CMTM6: variants seen among roughly 807,000 people sequenced by gnomAD.
CMTM6 encodes the protein CKLF like MARVEL transmembrane domain containing 6.
Under a neutral mutation model 13.6 loss-of-function variants are expected in CMTM6, and 5 were observed. The observed-to-expected ratio is 0.37, with a 90% CI of 0.19 to 0.77. CMTM6 has a LOEUF of 0.77. Among genes scored for constraint, CMTM6 ranks in the 30% least tolerant of loss-of-function variants. The probability of loss-of-function intolerance (pLI) is 0.50; values close to 1 mark genes in which losing one functional copy is unlikely to be tolerated. For synonymous variants in CMTM6, 99 were observed against 84.5 expected (o/e 1.17, Z -0.94); for missense variants, 196 against 218.6 (o/e 0.90, Z 0.65).
chr3:32,486,308 A>T (rs1697204291), intron 3 of CMTM6, among the ~76,000 whole-genome samples: 1 of 152,236 alleles, frequency 6.6e-6, no homozygotes. Flanking sequence ...CATGATCCTT[A>T]ATTTACAATT....
chr3:32,484,263 G>A (rs11922465), intron 3 of CMTM6, among the ~76,000 whole-genome samples, 166 bp from the exon 4 acceptor site: 207 of 152,184 alleles, frequency 1.4e-3, no homozygotes, highest in African/African-American at 4.7e-3. Context: ...ATCAAAAAAT[G>A]GAAAGAAGTT....
At chr3:32,490,728 A>G (rs553545209) in intron 2 of CMTM6, among the ~76,000 whole-genome samples, 25 of 152,350 alleles carry the variant, frequency 1.6e-4, no homozygotes, top group Admixed American at 4.6e-4. Flanking sequence ...CAGATGCAGC[A>G]TTAAAATAAA....
chr3:32,500,893 C>T (rs978277158), intron 1 of CMTM6, among the ~76,000 whole-genome samples: 1 of 152,072 alleles, frequency 6.6e-6, no homozygotes, highest in African/African-American at 2.4e-5. Flanking sequence ...TTTTTTCGAG[C>T]AGCAAGAATG....
At chr3:32,495,786 C>T (rs554394896) in intron 1 of CMTM6, among the ~76,000 whole-genome samples, 1 of 152,304 alleles carries the variant, frequency 6.6e-6, no homozygotes, top group Non-Finnish European at 1.5e-5. Context: ...CTATTCCAAA[C>T]GTATTAACAG....
intron 2 of CMTM6, among the ~76,000 whole-genome samples, chr3:32,491,434 A>T (rs1697248986): frequency 6.6e-6 from 1 of 152,198 alleles, no homozygotes; most frequent in Non-Finnish European, 1.5e-5. Context: ...GAAGTGACAA[A>T]ATCCTAGGCT....
At chr3:32,491,990 G>A (rs1412896462) in intron 1 of CMTM6, 104 bp from the exon 2 acceptor site, 2 of 961,102 alleles carry the variant, frequency 2.1e-6, no homozygotes, top group African/African-American at 3.3e-5. Context: ...TTTACAATGA[G>A]GAGACTATGG....
chr3:32,487,855 C>T (rs1399721259), intron 3 of CMTM6, 83 bp downstream of exon 3: 1 of 877,188 alleles, frequency 1.1e-6, no homozygotes, highest in East Asian at 2.6e-5. Context: ...CTCTAACATG[C>T]TGTATAACTT....
chr3:32,495,011 C>CTT (rs112734442), intron 1 of CMTM6, among the ~76,000 whole-genome samples: 12 of 144,308 alleles, frequency 8.3e-5, no homozygotes, highest in African/African-American at 1.5e-4. Flanking sequence ...CCTCCCTGTA[C>CTT]TTTTTTTTTT....
rs1273373987 is a variant in CMTM6 at position 32,483,050 on chromosome 3, T to C, written c.*910A>G. The C allele has an allele frequency of 2.0e-5, 3 of 152,622 alleles. No homozygotes were observed. The highest frequency in any genetic ancestry group is 4.4e-5 in the Non-Finnish European group (3 of 68,022). The allele number at this position is 152,622 out of a possible 1,614,324, so 9.5% of individuals were successfully genotyped here. A position where few individuals can be genotyped will look rare whatever the true frequency, so the allele number is the denominator to read the frequency against. On this transcript the variant is annotated 3_prime_UTR_variant, in exon 4 of 4. Transcript: ENST00000205636. ...GCTGTATTAATTTTAGTAAAAATAATCATATGCCAACAGGGGAATTGAACC... is the reference window on the plus strand; with the variant it reads ...GCTGTATTAATTTTAGTAAAAATAACCATATGCCAACAGGGGAATTGAACC...
rs1290377178 is a variant in CMTM6, at chr3:32,492,590, C to T, written c.139-704G>A. ...ACCAGAGGTAAGGCAAACCTTGGGG[C>T]GGACATCCAACTGGGAAGCTGATGT... is the stretch of plus-strand genomic sequence containing the variant. On this transcript the variant is annotated intron_variant, in intron 1 of 3. Transcript: ENST00000205636. 2.6e-5 allele frequency among the ~76,000 whole-genome samples: 4 copies of T among 152,148 alleles called. No homozygotes were observed. In the South Asian group the frequency reaches 6.2e-4, roughly 24 times the overall value.
Position 32,487,942 on chromosome 3 carries a change from G to T in CMTM6, c.410C>A (p.Ala137Glu). 2 of 1,607,206 alleles carry T rather than the reference G, an allele frequency of 1.2e-6. No homozygotes were observed. The highest frequency in any genetic ancestry group is 8.5e-7 in the Non-Finnish European group (1 of 1,174,414). The change falls in exon 3 of 4, where the codon GCA becomes GAA. Residue 137 changes from alanine to glutamate, a missense_variant. Physicochemically the swap from Ala to Glu is moderately radical, Grantham distance 107. This residue lies in a region of CMTM6 where 111 missense variants were observed against 160.0 expected (regional missense o/e 0.69). Coordinates refer to ENST00000205636, the MANE Select transcript of CMTM6 (RefSeq NM_017801.3). ...THDRTSAEIAAIVFGFIASFM... is the reference protein window; with the variant it reads ...THDRTSAEIAEIVFGFIASFM... ...TTAAAAATACAAGGTACTTACAATT[G>T]CAGCAATCTCAGCTGAAGTCCTGTC... is the stretch of plus-strand genomic sequence containing the variant.
intron 3 of CMTM6, among the ~76,000 whole-genome samples, chr3:32,484,845 T>A (rs1335807498): frequency 6.6e-6 from 1 of 152,076 alleles, no homozygotes; most frequent in East Asian, 1.9e-4. Flanking sequence ...AAACTCCCTA[T>A]CTCCACGATT....
rs1697219982 is a variant in CMTM6 at position 32,487,997 on chromosome 3, A to G, written c.355T>C (p.Leu119=). ...GTGGAAACAAAAATGATGGATGCCA[A>G]CAAAAACACACATCCTGTTCCCAAA... ...ITLGTGCVFL[L]ASIIFVSTHD... is the part of the protein sequence containing the mutation. The change falls in exon 3 of 4, where the codon TTG becomes CTG. Residue 119 remains leucine (L), a synonymous_variant. Transcript: ENST00000205636. The G allele has an allele frequency of 1.9e-6, 3 of 1,613,782 alleles. No individual in the cohort carries two copies. Among genetic ancestry groups the G allele is most frequent in the African/African-American group, 1.3e-5 (1 of 74,938 alleles).
intron 1 of CMTM6, among the ~76,000 whole-genome samples, chr3:32,500,940 A>G (rs191805595): frequency 7.2e-5 from 11 of 152,210 alleles, no homozygotes; most frequent in African/African-American, 2.6e-4. Context: ...TACGCCTGTA[A>G]TCCCAGCACT....
chr3:32,502,635 G>A lies in CMTM6; in HGVS notation c.111C>T (p.Leu37=), dbSNP rs765141219. ...GCTGCAAGCCCTTGAGAACGCGCCG[G>A]AGCAATGGGAGCCGGCCCATGAAAA... ...AYFFMGRLPL[L]RRVLKGLQLL... The change falls in exon 1 of 4, where the codon CTC becomes CTT. Residue 37 remains leucine, a synonymous_variant. Coordinates refer to ENST00000205636, the MANE Select transcript of CMTM6 (RefSeq NM_017801.3). 82 of 1,596,410 alleles carry A rather than the reference G, an allele frequency of 5.1e-5. No individual in the cohort carries two copies. The highest frequency in any genetic ancestry group is 6.8e-5 in the Non-Finnish European group (80 of 1,173,412).
intron 1 of CMTM6, among the ~76,000 whole-genome samples, chr3:32,500,528 CA>C (rs1697335299): frequency 6.6e-6 from 1 of 152,184 alleles, no homozygotes; most frequent in Non-Finnish European, 1.5e-5. Context: ...TCCCCATAAA[CA>C]AATAAATGGA....
chr3:32,490,020 C>A (rs537218888), intron 2 of CMTM6, among the ~76,000 whole-genome samples: 2 of 152,096 alleles, frequency 1.3e-5, no homozygotes, highest in East Asian at 3.9e-4. Context: ...CCGAGGTGGG[C>A]GGATCACCTG....
At chr3:32,484,139 A>C in intron 3 of CMTM6, 42 bp from the exon 4 acceptor site, 1 of 1,431,168 alleles carries the variant, frequency 7.0e-7, no homozygotes, top group Non-Finnish European at 9.3e-7. Context: ...GAATTTTGGA[A>C]TATAATCTTA....
chr3:32,498,729 G>T (rs894568032), intron 1 of CMTM6, among the ~76,000 whole-genome samples: 1 of 150,868 alleles, frequency 6.6e-6, no homozygotes, highest in African/African-American at 2.4e-5. Flanking sequence ...ACAGGTGCAC[G>T]CCACAATACC....
Sources: gnomAD v4.1 joint callset for allele counts (sites outside exome capture counted in the v4.1 genomes callset) on GRCh38, gnomAD v4.1.1 for gene constraint, gnomAD v4.1.1 regional missense constraint, MANE v1.5 for transcripts, NCBI Gene and HGNC (gene_info 2026-07-23, HGNC 2026-07-21) for gene names.